The following ADGRB2 variants were observed in gnomAD, a reference collection of about 807,000 sequenced individuals.
ADGRB2 encodes the protein brain-specific angiogenesis inhibitor 2.
In ADGRB2, 47 loss-of-function variants were observed where a neutral mutation model predicts 178.7. The ratio of observed to expected loss-of-function variants is 0.26; its 90% CI spans 0.21 to 0.34. The LOEUF is 0.34. ADGRB2 is among the 10% of genes least tolerant of loss of function. ADGRB2 has a pLI of 1.00. For synonymous variants in ADGRB2, 870 were observed against 912.4 expected (o/e 0.95, Z 0.84); for missense variants, 1,584 against 2,180.8 (o/e 0.73, Z 5.45).
intron 4 of ADGRB2, among the ~76,000 whole-genome samples, chr1:31,752,009 G>A (rs72887383): frequency 0.064 from 9,748 of 152,250 alleles, 995 homozygotes; most frequent in African/African-American, 0.21. Flanking sequence ...CTTTACAGGT[G>A]ATGAAGTGGG....
rs1323089914 is a variant in ADGRB2, at chr1:31,759,928, T to C, written c.-190-2417A>G. On this transcript the variant is annotated intron_variant, in intron 1 of 32. Transcript: ENST00000373658. This position sits in a 1 kb window ranked among gnomAD's most constrained non-coding sequence, Gnocchi z 4.3. ...TTCCCTCTCTGTGCAATGCAGACCA[T>C]GAGCCTTGCCCTGGGGATGGCAGAC... is the stretch of plus-strand genomic sequence containing the variant. Among the ~76,000 whole-genome samples the C allele has an allele frequency of 6.6e-6, 1 of 152,178 alleles. No homozygotes were observed. Among genetic ancestry groups the C allele is most frequent in the African/African-American group, 2.4e-5 (1 of 41,426 alleles).
At chr1:31,736,998 T>C (rs1014609222) in intron 20 of ADGRB2, among the ~76,000 whole-genome samples, 14 of 152,162 alleles carry the variant, frequency 9.2e-5, no homozygotes, top group Non-Finnish European at 1.6e-4. Context: ...CATGAGCACC[T>C]GCCACGTCAC....
At chr1:31,762,638 A>C (rs1647075161) in intron 1 of ADGRB2, among the ~76,000 whole-genome samples, 2 of 149,280 alleles carry the variant, frequency 1.3e-5, no homozygotes, top group African/African-American at 5.0e-5. Flanking sequence ...CCCAGAACAT[A>C]TGGCCTGACA....
intron 6 of ADGRB2, among the ~76,000 whole-genome samples, chr1:31,743,927 G>A (rs953947038): frequency 2.6e-5 from 4 of 152,218 alleles, no homozygotes; most frequent in Non-Finnish European, 5.9e-5. Context: ...GTAAAAACAC[G>A]AGCCTTGGTT....
rs979097062 is a variant in ADGRB2 at position 31,728,864 on chromosome 1, C to T, written c.4381-231G>A. Among the ~76,000 whole-genome samples, 1 of 134,510 alleles carries T rather than the reference C, an allele frequency of 7.4e-6. No individual in the cohort carries two copies. Among genetic ancestry groups the T allele is most frequent in the Non-Finnish European group, 1.7e-5 (1 of 59,884 alleles). The allele number at this position is 134,510 out of a possible 152,430, so 88.2% of individuals were successfully genotyped here. On this transcript the variant is annotated intron_variant, in intron 29 of 32. Transcript: ENST00000373658. The surrounding 1 kb of genome is among the most constrained non-coding windows in gnomAD (Gnocchi z 6.7). ...CACACACACGTCAAATGGCATGGTG[C>T]GGACTTCCAACATGACAGGCCCAGA...
At position 31,755,907 on chromosome 1, in the gene ADGRB2, T is replaced by C. The variant is rs1646806086; in HGVS notation, c.838+92A>G. 6.7e-7 allele frequency: 1 copy of C among 1,499,304 alleles called. No homozygotes were observed. Among genetic ancestry groups the C allele is most frequent in the Non-Finnish European group, 9.0e-7 (1 of 1,111,452 alleles). The allele number at this position is 1,499,304 out of a possible 1,614,324, so 92.9% of individuals were successfully genotyped here. On this transcript the variant is annotated intron_variant, in intron 4 of 32. Transcript: ENST00000373658. This position sits in a 1 kb window ranked among gnomAD's most constrained non-coding sequence, Gnocchi z 5.1. ...CAGAGGGGTGACATCAGTGAACAGC[T>C]ACATGCATGGCCGAGGATCTGCCAG...
chr1:31,735,461 T>C lies in ADGRB2; in HGVS notation c.3353+119A>G, dbSNP rs1218227647. 7.3e-7 allele frequency: 1 copy of C among 1,369,350 alleles called. No homozygotes were observed. Among genetic ancestry groups the C allele is most frequent in the Non-Finnish European group, 1.0e-6 (1 of 980,826 alleles). The allele number at this position is 1,369,350 out of a possible 1,614,324, so 84.8% of individuals were successfully genotyped here. On this transcript the variant is annotated intron_variant, in intron 24 of 32. Transcript: ENST00000373658. The surrounding 1 kb of genome is among the most constrained non-coding windows in gnomAD (Gnocchi z 6.0). ...GTGCCCACCTTGCCTGCAACCTTGA[T>C]GCACCAAGGTTGGGGAGCCCCGGTC...
In ADGRB2 at chr1:31,739,517, G is replaced by A; in HGVS notation, c.2286C>T (p.Pro762=). 2 of 1,613,140 alleles carry A rather than the reference G, an allele frequency of 1.2e-6. No homozygotes were observed. Among genetic ancestry groups the A allele is most frequent in the Non-Finnish European group, 1.7e-6 (2 of 1,179,950 alleles). The stretch of plus-strand genomic sequence containing the variant: ...GGGAGGAGAGGCTGAGCACCTCCTT[G>A]GGCAGGAAGAGGCGGTCCTCTGAGT... ...VRHSEDRLFL[P]KEVLSLSSPG... The change falls in exon 15 of 33, where the codon CCC becomes CCT. Residue 762 remains proline (P), a synonymous_variant. Transcript: ENST00000373658.
At chr1:31,745,530 T>G (rs1646229337) in intron 4 of ADGRB2, among the ~76,000 whole-genome samples, 1 of 152,192 alleles carries the variant, frequency 6.6e-6, no homozygotes, top group African/African-American at 2.4e-5. Context: ...CTCCAAAGCC[T>G]GGCCCTCCTG....
chr1:31,737,780 G>A, intron 18 of ADGRB2, 25 bp from the exon 19 acceptor site: 1 of 1,606,964 alleles, frequency 6.2e-7, no homozygotes, highest in Non-Finnish European at 8.5e-7. Context: ...CAGACAGTCA[G>A]ATGGGTTCCT....
chr1:31,728,748 C>G lies in ADGRB2; in HGVS notation c.4381-115G>C. On this transcript the variant is annotated intron_variant, in intron 29 of 32. Coordinates refer to ENST00000373658, the MANE Select transcript of ADGRB2 (RefSeq NM_001364857.2). This position sits in a 1 kb window ranked among gnomAD's most constrained non-coding sequence, Gnocchi z 6.7. ...GGGTCTGCCCGCTGCACCTTCCCCCCAACCCAGGCCCAGAAGTTGCGGACC... is the reference window on the plus strand; with the variant it reads ...GGGTCTGCCCGCTGCACCTTCCCCCGAACCCAGGCCCAGAAGTTGCGGACC... The G allele has an allele frequency of 7.7e-7, 1 of 1,293,272 alleles. No homozygotes were observed. Among genetic ancestry groups the G allele is most frequent in the Non-Finnish European group, 1.1e-6 (1 of 904,356 alleles). The allele number at this position is 1,293,272 out of a possible 1,614,324, so 80.1% of individuals were successfully genotyped here.
In ADGRB2 at chr1:31,740,243, T is replaced by C; in HGVS notation, c.1990-65A>G. ...AGGGAACAGGGGGCTTCCCCCACTA[T>C]AGCCACACTTGCCGCCTCTACAGCA... On this transcript the variant is annotated intron_variant, in intron 12 of 32. Transcript: ENST00000373658. This position sits in a 1 kb window ranked among gnomAD's most constrained non-coding sequence, Gnocchi z 5.9. 1.2e-6 allele frequency: 2 copies of C among 1,609,590 alleles called. No individual in the cohort carries two copies. Among genetic ancestry groups the C allele is most frequent in the South Asian group, 1.1e-5 (1 of 90,838 alleles).
chr1:31,759,244 C>T lies in ADGRB2; in HGVS notation c.-190-1733G>A, dbSNP rs11800536. ...TGTCACACACACTCAGGAGTTAACA[C>T]GCACACACAGGGGTGTAGAGGCTTA... On this transcript the variant is annotated intron_variant, in intron 1 of 32. Transcript: ENST00000373658. This position sits in a 1 kb window ranked among gnomAD's most constrained non-coding sequence, Gnocchi z 4.3. 1.7e-3 allele frequency: 1,281 copies of T among 771,688 alleles called. 15 individuals carry two copies. In the African/African-American group the frequency reaches 0.018, roughly 11 times the overall value. The allele number at this position is 771,688 out of a possible 1,614,324, so 47.8% of individuals were successfully genotyped here.
At chr1:31,738,405 A>T in intron 17 of ADGRB2, 79 bp from the exon 18 acceptor site, 2 of 1,590,770 alleles carry the variant, frequency 1.3e-6, no homozygotes, top group Non-Finnish European at 1.7e-6. Flanking sequence ...GCCCAAGGAC[A>T]GGCTAAATCC....
chr1:31,737,893 C>T (rs1446807348), intron 18 of ADGRB2, 138 bp from the exon 19 acceptor site: 22 of 843,044 alleles, frequency 2.6e-5, no homozygotes, highest in Non-Finnish European at 3.0e-5. Flanking sequence ...CTCATGTATG[C>T]ACAGAACAGA....
chr1:31,740,895 G>GCGCGCACA lies in ADGRB2; in HGVS notation c.1795-355_1795-354insTGTGCGCG, dbSNP rs1553185114. Among the ~76,000 whole-genome samples, 137 of 140,386 alleles carry GCGCGCACA rather than the reference G, an allele frequency of 9.8e-4. 1 individual carries two copies. The highest frequency in any genetic ancestry group is 1.6e-3 in the Non-Finnish European group (102 of 64,878). 92.1% of individuals were successfully genotyped at this position (140,386 alleles called of 152,430 possible). On this transcript the variant is annotated intron_variant, in intron 11 of 32. Coordinates refer to ENST00000373658, the MANE Select transcript of ADGRB2 (RefSeq NM_001364857.2). This position sits in a 1 kb window ranked among gnomAD's most constrained non-coding sequence, Gnocchi z 5.9. ...AATGAGCATGTGTGTGGGCGCGCGCGCACACACACACACACACACACACAC... is the reference window on the plus strand; with the variant it reads ...AATGAGCATGTGTGTGGGCGCGCGCGCGCGCACACACACACACACACACACACACACAC...
Position 31,742,760 on chromosome 1 carries a change from C to T in ADGRB2, c.1252+78G>A. 3 of 1,370,238 alleles carry T rather than the reference C, an allele frequency of 2.2e-6. No individual in the cohort carries two copies. The South Asian group carries it at 5.4e-5, about 24-fold the overall frequency. The allele number at this position is 1,370,238 out of a possible 1,614,324, so 84.9% of individuals were successfully genotyped here. On this transcript the variant is annotated intron_variant, in intron 7 of 32. Coordinates refer to ENST00000373658, the MANE Select transcript of ADGRB2 (RefSeq NM_001364857.2). ...GGGCCCCCAGGGGCAGGTCACTGGA[C>T]CTGACTGCCTCCCCAGGTCTCCCGA...
intron 4 of ADGRB2, among the ~76,000 whole-genome samples, chr1:31,746,995 C>T (rs1182143205): frequency 6.6e-6 from 1 of 152,204 alleles, no homozygotes; most frequent in Non-Finnish European, 1.5e-5. Context: ...TCAAATATCA[C>T]CTCCCCTGTT....
intron 1 of ADGRB2, 96 bp from the exon 2 acceptor site, chr1:31,757,607 C>A: frequency 4.3e-6 from 1 of 232,004 alleles, no homozygotes. Context: ...CCTCATGAGT[C>A]TCAGTTTTCT....
Sources: gnomAD v4.1 joint callset for allele counts (sites outside exome capture counted in the v4.1 genomes callset) on GRCh38, gnomAD v4.1.1 for gene constraint, Gnocchi (gnomAD v3.1) non-coding constraint, MANE v1.5 for transcripts, NCBI Gene and HGNC (gene_info 2026-07-23, HGNC 2026-07-21) for gene names.